Variants in NALF1 observed in about 807,000 individuals in gnomAD.
NALF1 encodes the protein NALCN channel auxiliary factor 1.
Under a neutral mutation model 48.4 loss-of-function variants are expected in NALF1, and 3 were observed. The observed-to-expected ratio is 0.06, with a 90% CI of 0.03 to 0.16. The LOEUF (loss-of-function observed/expected upper bound fraction) is 0.16. Ranked by LOEUF, NALF1 falls within the 10% of genes least tolerant of loss-of-function variation. The pLI, the probability that NALF1 is intolerant of heterozygous loss-of-function variation, is 1.00. For synonymous variants in NALF1, 262 were observed against 245.7 expected, an observed-to-expected ratio of 1.07 and a Z score of -0.62; for missense variants, 526 against 571.5, an observed-to-expected ratio of 0.92 and a Z score of 0.81.
intron 1 of NALF1, among the ~76,000 whole-genome samples, chr13:107,731,816 A>T (rs1566460951): frequency 1.3e-5 from 2 of 152,176 alleles, no homozygotes; most frequent in Non-Finnish European, 2.9e-5. Flanking sequence ...ATGGTCATTT[A>T]GGTTGATCCC....
intron 2 of NALF1, among the ~76,000 whole-genome samples, chr13:107,186,184 A>AGGGAAG (rs1879167501): frequency 6.6e-6 from 1 of 152,160 alleles, no homozygotes; most frequent in South Asian, 2.1e-4. Context: ...CTAACTATAC[A>AGGGAAG]TAGCGTTTGA....
intron 1 of NALF1, among the ~76,000 whole-genome samples, chr13:107,566,573 C>T (rs1355288816): frequency 6.6e-6 from 1 of 152,194 alleles, no homozygotes. Context: ...TAACCAGAGC[C>T]TCACCAACCT....
At chr13:107,840,671 G>T (rs1308732284) in intron 1 of NALF1, among the ~76,000 whole-genome samples, 1 of 152,174 alleles carries the variant, frequency 6.6e-6, no homozygotes, top group Non-Finnish European at 1.5e-5. Flanking sequence ...ACAGTGAAGA[G>T]AGAATGTCTA....
Position 107,713,122 on chromosome 13 carries a change from G to T in NALF1, c.915+152560C>A, listed in dbSNP as rs182590240. Among the ~76,000 whole-genome samples the T allele has an allele frequency of 2.1e-4, 32 of 152,282 alleles. No homozygotes were observed. In the East Asian group the frequency reaches 5.6e-3, roughly 27 times the overall value. ...ACCACGTCCACACATCAGGGGCTAC[G>T]GCAAAGCAGCAGCAAATTTTCTTCG... On this transcript the variant is annotated intron_variant, in intron 1 of 2. Coordinates refer to ENST00000375915, the MANE Select transcript of NALF1 (RefSeq NM_001080396.3).
chr13:107,448,374 T>C (rs1884684793), intron 1 of NALF1, among the ~76,000 whole-genome samples: 1 of 83,476 alleles, frequency 1.2e-5, no homozygotes, highest in Non-Finnish European at 3.1e-5. Context: ...AATCCCAGTA[T>C]TAGGAATTTT....
chr13:107,768,191 A>ATGAGACAAT (rs1362601532), intron 1 of NALF1, among the ~76,000 whole-genome samples: 4 of 152,192 alleles, frequency 2.6e-5, no homozygotes, highest in African/African-American at 9.7e-5. Context: ...TGAGAATGAA[A>ATGAGACAAT]TGAGACAATA....
In NALF1 at chr13:107,655,381, A is replaced by G. The variant is rs1474119225; in HGVS notation, c.915+210301T>C. ...CAACAGTGACCAAATTGAGAACCAA[A>G]ATCAAGAATTCAACCCCTTTCCAAA... On this transcript the variant is annotated intron_variant, in intron 1 of 2. Transcript: ENST00000375915. Among the ~76,000 whole-genome samples, 4 of 152,130 alleles carry G rather than the reference A, an allele frequency of 2.6e-5. No individual in the cohort carries two copies. The East Asian group carries it at 7.7e-4, about 29-fold the overall frequency.
intron 1 of NALF1, among the ~76,000 whole-genome samples, chr13:107,223,762 T>G (rs1191434869): frequency 6.6e-6 from 1 of 152,158 alleles, no homozygotes; most frequent in East Asian, 1.9e-4. Flanking sequence ...GTGTGTATCT[T>G]AGAGAAAAAT....
chr13:107,549,065 T>C (rs1188949784), intron 1 of NALF1, among the ~76,000 whole-genome samples: 3 of 152,158 alleles, frequency 2.0e-5, no homozygotes. Flanking sequence ...AAGATGATTT[T>C]TACATTCTAC....
chr13:107,298,510 T>C (rs957963563), intron 1 of NALF1, among the ~76,000 whole-genome samples: 2 of 151,878 alleles, frequency 1.3e-5, no homozygotes, highest in African/African-American at 4.8e-5. Flanking sequence ...CAGCTCACTA[T>C]AACCTCCGCC....
At chr13:107,204,753 G>A (rs77433066) in intron 2 of NALF1, among the ~76,000 whole-genome samples, 6,523 of 151,640 alleles carry the variant, frequency 0.043, 199 homozygotes, top group South Asian at 0.086. Context: ...CTCCCTTCCC[G>A]TTTCTTTTTT....
At chr13:107,460,462 C>T (rs1884899870) in intron 1 of NALF1, among the ~76,000 whole-genome samples, 1 of 152,248 alleles carries the variant, frequency 6.6e-6, no homozygotes. Flanking sequence ...TAGATGTGCT[C>T]AGTCCCAATG....
intron 1 of NALF1, among the ~76,000 whole-genome samples, chr13:107,473,597 G>A (rs1225047241): frequency 1.3e-5 from 2 of 152,116 alleles, no homozygotes; most frequent in Non-Finnish European, 2.9e-5. Flanking sequence ...GAAGGTAGAG[G>A]GAAGGACCAT....
chr13:107,791,626 A>G (rs993494255), intron 1 of NALF1, among the ~76,000 whole-genome samples: 1 of 152,198 alleles, frequency 6.6e-6, no homozygotes, highest in Admixed American at 6.5e-5. Context: ...AGAATTGACA[A>G]AAATATAATG....
At chr13:107,492,842 C>T (rs1293523726) in intron 1 of NALF1, among the ~76,000 whole-genome samples, 2 of 152,036 alleles carry the variant, frequency 1.3e-5, no homozygotes, top group African/African-American at 4.8e-5. Flanking sequence ...AAAAAACGTA[C>T]ACAATTTTGT....
At chr13:107,236,876 C>A (rs958028629) in intron 1 of NALF1, among the ~76,000 whole-genome samples, 8 of 152,118 alleles carry the variant, frequency 5.3e-5, no homozygotes, top group Admixed American at 1.3e-4. Context: ...ATTCCCTAAA[C>A]AACATAGCAT....
chr13:107,276,211 G>A (rs561140308), intron 1 of NALF1, among the ~76,000 whole-genome samples: 1 of 152,256 alleles, frequency 6.6e-6, no homozygotes, highest in African/African-American at 2.4e-5. Flanking sequence ...CCACAAGGCA[G>A]GAATCGTGAG....
At chr13:107,227,841 G>A (rs1053610963) in intron 1 of NALF1, among the ~76,000 whole-genome samples, 2 of 152,152 alleles carry the variant, frequency 1.3e-5, no homozygotes, top group African/African-American at 2.4e-5. Flanking sequence ...AGGATTTTAG[G>A]AAGTATGAAG....
intron 1 of NALF1, among the ~76,000 whole-genome samples, chr13:107,253,094 A>G (rs1297567146): frequency 6.6e-6 from 1 of 152,192 alleles, no homozygotes; most frequent in Non-Finnish European, 1.5e-5. Context: ...AATTTAAATA[A>G]TAGTCAACCT....
Sources: allele counts gnomAD v4.1 joint callset (sites outside exome capture counted in the v4.1 genomes callset), GRCh38; gene constraint gnomAD v4.1.1; transcripts MANE v1.5; gene names NCBI Gene and HGNC (gene_info 2026-07-23, HGNC 2026-07-21).